TAFA1: variants seen among roughly 807,000 people sequenced by gnomAD.
TAFA1 encodes the protein chemokine-like protein TAFA-1.
Under a neutral mutation model 18.5 loss-of-function variants are expected in TAFA1, and 4 were observed. That is an observed-to-expected ratio of 0.22 (90% CI 0.11 to 0.49). TAFA1 has a LOEUF of 0.49. Ranked by LOEUF, TAFA1 falls within the 20% of genes least tolerant of loss-of-function variation. The pLI is 0.98. For missense variants in TAFA1, 147 were observed against 169.0 expected (o/e 0.87, Z 0.72); for synonymous variants, 56 against 55.2 (o/e 1.01, Z -0.06).
intron 2 of TAFA1, among the ~76,000 whole-genome samples, chr3:68,329,216 CTTTTTTT>C (rs10681423): frequency 1.1e-4 from 10 of 89,000 alleles, no homozygotes; most frequent in South Asian, 6.4e-4. Context: ...GCCTGGCTGC[CTTTTTTT>C]TTTTTTTTTT....
chr3:68,090,571 G>A (rs577987677), intron 2 of TAFA1, among the ~76,000 whole-genome samples: 88 of 152,218 alleles, frequency 5.8e-4, no homozygotes, highest in South Asian at 1.2e-3. Flanking sequence ...CATGTCTGGT[G>A]GTGTTTTGTG....
intron 2 of TAFA1, among the ~76,000 whole-genome samples, chr3:68,283,276 C>T (rs2107260888): frequency 6.6e-6 from 1 of 152,292 alleles, no homozygotes; most frequent in South Asian, 2.1e-4. Context: ...CCTGAATCTG[C>T]ATATGACTGG....
In TAFA1 at chr3:68,446,619, C is replaced by T. The variant is rs954630683; in HGVS notation, c.259+29199C>T. Among the ~76,000 whole-genome samples, 31 of 152,164 alleles carry T rather than the reference C, an allele frequency of 2.0e-4. 1 individual carries two copies. The highest frequency in any genetic ancestry group is 1.4e-3 in the Admixed American group (21 of 15,264). ...CAGTTTATTCTAGATGGACAGAAGA[C>T]TTATGTCTAAAAAGAATCACAAAAT... On this transcript the variant is annotated intron_variant, in intron 3 of 4. Transcript: ENST00000478136.
chr3:68,524,694 T>C (rs1243079043), intron 3 of TAFA1, among the ~76,000 whole-genome samples: 1 of 151,704 alleles, frequency 6.6e-6, no homozygotes, highest in Non-Finnish European at 1.5e-5. Context: ...TTTTTGAGAC[T>C]GAGTCTCCCT....
intron 2 of TAFA1, among the ~76,000 whole-genome samples, chr3:68,349,551 A>G (rs1242954610): frequency 2.0e-5 from 3 of 152,096 alleles, no homozygotes; most frequent in Admixed American, 2.0e-4. Flanking sequence ...TTCAGCTGGC[A>G]TTTTAAAATT....
chr3:68,411,021 C>T (rs1559657513), intron 2 of TAFA1, among the ~76,000 whole-genome samples: 1 of 152,170 alleles, frequency 6.6e-6, no homozygotes, highest in Non-Finnish European at 1.5e-5. Context: ...TTAACTCTTC[C>T]CTTTCATTGG....
chr3:68,383,212 C>T (rs957516956), intron 2 of TAFA1, among the ~76,000 whole-genome samples: 1 of 152,092 alleles, frequency 6.6e-6, no homozygotes, highest in African/African-American at 2.4e-5. Flanking sequence ...GCCAGGACTT[C>T]CAACACTATG....
At chr3:68,039,050 G>T (rs1198711769) in intron 2 of TAFA1, among the ~76,000 whole-genome samples, 1 of 152,102 alleles carries the variant, frequency 6.6e-6, no homozygotes, top group African/African-American at 2.4e-5. Context: ...GTGGGCAGGG[G>T]CTGTGTCTCT....
chr3:68,018,525 A>G (rs1704613839), intron 2 of TAFA1, among the ~76,000 whole-genome samples: 1 of 152,182 alleles, frequency 6.6e-6, no homozygotes, highest in Non-Finnish European at 1.5e-5. Context: ...GGAGGACTAC[A>G]GTTACCCAGT....
intron 2 of TAFA1, among the ~76,000 whole-genome samples, chr3:68,248,646 A>T (rs2067131175): frequency 2.0e-5 from 3 of 149,866 alleles, no homozygotes; most frequent in Non-Finnish European, 4.4e-5. Flanking sequence ...AGAGCTGGGG[A>T]ATCTGGGAAT....
intron 2 of TAFA1, among the ~76,000 whole-genome samples, chr3:68,306,572 T>C (rs1442476715): frequency 6.6e-6 from 1 of 152,212 alleles, no homozygotes; most frequent in Non-Finnish European, 1.5e-5. Flanking sequence ...CAGTTTCAAT[T>C]TGGTCTTATA....
intron 3 of TAFA1, among the ~76,000 whole-genome samples, chr3:68,517,685 C>G (rs1261384821): frequency 6.6e-6 from 1 of 152,288 alleles, no homozygotes; most frequent in South Asian, 2.1e-4. Flanking sequence ...TTATACTCCA[C>G]AAAAGCAGAA....
chr3:68,074,157 T>C (rs1448184002), intron 2 of TAFA1, among the ~76,000 whole-genome samples: 2 of 152,124 alleles, frequency 1.3e-5, no homozygotes, highest in East Asian at 3.9e-4. Flanking sequence ...CCTATGCAGT[T>C]CACAATAGAG....
At chr3:68,125,691 A>T (rs1374594595) in intron 2 of TAFA1, among the ~76,000 whole-genome samples, 1 of 152,164 alleles carries the variant, frequency 6.6e-6, no homozygotes, top group Non-Finnish European at 1.5e-5. Context: ...CCCACATCAC[A>T]TCCCCTCAGC....
chr3:68,145,634 C>T (rs1575643665), intron 2 of TAFA1: 2 of 1,242,438 alleles, frequency 1.6e-6, no homozygotes, highest in South Asian at 2.4e-5. Flanking sequence ...TGAAGACTGA[C>T]TTATCACTCT....
chr3:68,415,279 C>G (rs17047651), intron 2 of TAFA1, among the ~76,000 whole-genome samples: 3,842 of 152,284 alleles, frequency 0.025, 77 homozygotes, highest in East Asian at 0.091. Flanking sequence ...TCCAAAAATT[C>G]CCATTCATTG....
chr3:68,179,388 A>G (rs1358217718), intron 2 of TAFA1, among the ~76,000 whole-genome samples: 1 of 152,236 alleles, frequency 6.6e-6, no homozygotes, highest in African/African-American at 2.4e-5. Flanking sequence ...ATGAAAGTGG[A>G]ATTCTGATCT....
chr3:68,216,267 A>G (rs969676266), intron 2 of TAFA1, among the ~76,000 whole-genome samples: 1 of 152,074 alleles, frequency 6.6e-6, no homozygotes, highest in East Asian at 1.9e-4. Context: ...GTCAAAACCC[A>G]TTGAACTTGA....
chr3:68,179,592 G>C (rs2066169795), intron 2 of TAFA1, among the ~76,000 whole-genome samples: 1 of 152,120 alleles, frequency 6.6e-6, no homozygotes, highest in Admixed American at 6.5e-5. Flanking sequence ...CACTTATCTA[G>C]TGATTTATTA....
Sources: gnomAD v4.1 joint callset for allele counts (sites outside exome capture counted in the v4.1 genomes callset) on GRCh38, gnomAD v4.1.1 for gene constraint, MANE v1.5 for transcripts, NCBI Gene and HGNC (gene_info 2026-07-23, HGNC 2026-07-21) for gene names.